SLIT3: variants seen among roughly 807,000 people sequenced by gnomAD.
The protein encoded by SLIT3 is slit guidance ligand 3.
Under a neutral mutation model 184.0 loss-of-function variants are expected in SLIT3, and 68 were observed. The observed-to-expected ratio is 0.37, with a 90% CI of 0.30 to 0.45. The LOEUF (loss-of-function observed/expected upper bound fraction) is 0.45. Ranked by LOEUF, SLIT3 falls within the 20% of genes least tolerant of loss-of-function variation. The pLI, the probability that SLIT3 is intolerant of heterozygous loss-of-function variation, is 1.00. For synonymous variants in SLIT3, 831 were observed against 828.6 expected (o/e 1.00, Z -0.05); for missense variants, 1,707 against 2,026.0 (o/e 0.84, Z 3.02).
chr5:168,785,779 G>T, intron 12 of SLIT3, 128 bp downstream of exon 12: 1 of 692,102 alleles, frequency 1.4e-6, no homozygotes. Context: ...AGCGTGGACA[G>T]CTCAAACATT....
intron 3 of SLIT3, among the ~76,000 whole-genome samples, chr5:169,203,427 T>C (rs1169436400): frequency 6.6e-6 from 1 of 151,966 alleles, no homozygotes; most frequent in Non-Finnish European, 1.5e-5. Flanking sequence ...TAGTCATTTA[T>C]AACTTCAGAG....
At chr5:168,976,963 G>A (rs912751630) in intron 4 of SLIT3, among the ~76,000 whole-genome samples, 1 of 152,024 alleles carries the variant, frequency 6.6e-6, no homozygotes, top group Non-Finnish European at 1.5e-5. Flanking sequence ...ATTACACAGA[G>A]CTGGGGTGGG....
In SLIT3 at chr5:169,300,670, C is replaced by T. The variant is rs1313237869; in HGVS notation, c.40G>A (p.Ala14Thr). 7 of 1,410,248 alleles carry T rather than the reference C, an allele frequency of 5.0e-6. No individual in the cohort carries two copies. The East Asian group carries it at 1.2e-4, about 24-fold the overall frequency. 87.4% of individuals were successfully genotyped at this position (1,410,248 alleles called of 1,614,324 possible). A position where few individuals can be genotyped will look rare whatever the true frequency, so the allele number is the denominator to read the frequency against. ...GWAGVGAAVRARLALALALAS... is the reference protein window; with the variant it reads ...GWAGVGAAVRTRLALALALAS... ...AGCGCCAAGGCCAGCGCCAGGCGGG[C>T]GCGCACGGCGGCGCCGACCCCTGCC... is the stretch of plus-strand genomic sequence containing the variant. Residue 14 changes from alanine to threonine, a missense_variant, in exon 1 of 36, where the codon GCC (alanine) becomes ACC (threonine). Around this residue, in one of 3 missense-constraint regions of SLIT3, gnomAD observed 1,307 missense variants for 1,511.6 expected, o/e 0.86. Coordinates refer to ENST00000519560, the MANE Select transcript of SLIT3 (RefSeq NM_003062.4). The surrounding 1 kb of genome is among the most constrained non-coding windows in gnomAD (Gnocchi z 4.1).
chr5:169,050,042 T>C (rs1435653418), intron 4 of SLIT3, among the ~76,000 whole-genome samples: 1 of 152,160 alleles, frequency 6.6e-6, no homozygotes, highest in Non-Finnish European at 1.5e-5. Context: ...GTAAATGTGA[T>C]GGCTCCAGAA....
intron 4 of SLIT3, among the ~76,000 whole-genome samples, chr5:169,120,889 T>C (rs1248939428): frequency 2.6e-5 from 4 of 152,292 alleles, no homozygotes; most frequent in Admixed American, 1.3e-4. Flanking sequence ...CTAATCCTAG[T>C]GTTTTGTTCA....
rs138176011 is a variant in SLIT3 at position 168,773,075 on chromosome 5, C to T, written c.1296-131G>A. The stretch of plus-strand genomic sequence containing the variant: ...CCTCCTGCCTCATCGCCCCAGGAAG[C>T]CTTAGGGGGTGCTACTTTCAGACAG... On this transcript the variant is annotated intron_variant, in intron 13 of 35. Coordinates refer to ENST00000519560, the MANE Select transcript of SLIT3 (RefSeq NM_003062.4). 2,239 of 913,916 alleles carry T rather than the reference C, an allele frequency of 2.4e-3. 30 individuals are homozygous for T. In the African/African-American group the frequency reaches 0.035, roughly 14 times the overall value. The allele number at this position is 913,916 out of a possible 1,614,324, so 56.6% of individuals were successfully genotyped here.
At position 169,178,586 on chromosome 5, in the gene SLIT3, C is replaced by T. The variant is rs560280944; in HGVS notation, c.413+14893G>A. Among the ~76,000 whole-genome samples, 31 of 152,300 alleles carry T rather than the reference C, an allele frequency of 2.0e-4. 1 individual carries two copies. The South Asian group carries it at 5.0e-3, about 24-fold the overall frequency. On this transcript the variant is annotated intron_variant, in intron 4 of 35. Transcript: ENST00000519560. ...ACCTGAGATATACCGCACCCCACCACACACACACGATTCTTATTTTCTTTC... is the reference window on the plus strand; with the variant it reads ...ACCTGAGATATACCGCACCCCACCATACACACACGATTCTTATTTTCTTTC...
intron 4 of SLIT3, among the ~76,000 whole-genome samples, chr5:168,970,404 A>G (rs1399920506): frequency 6.6e-6 from 1 of 151,310 alleles, no homozygotes; most frequent in African/African-American, 2.4e-5. Flanking sequence ...CTGGGGCAAG[A>G]TAATTGCTTG....
At chr5:168,793,232 TC>T (rs956256333) in intron 10 of SLIT3, among the ~76,000 whole-genome samples, 1 of 151,984 alleles carries the variant, frequency 6.6e-6, no homozygotes, top group African/African-American at 2.4e-5. Flanking sequence ...TTTTTTTCTC[TC>T]CCCCCTCCCC....
At chr5:168,774,134 T>C in intron 13 of SLIT3, 101 bp downstream of exon 13, 1 of 1,184,696 alleles carries the variant, frequency 8.4e-7, no homozygotes, top group Non-Finnish European at 1.2e-6. Context: ...GAACTCCTCC[T>C]GGATGTGCTC....
At chr5:168,798,445 T>C (rs1414675188) in intron 9 of SLIT3, among the ~76,000 whole-genome samples, 1 of 152,100 alleles carries the variant, frequency 6.6e-6, no homozygotes, top group Non-Finnish European at 1.5e-5. Context: ...GCCAGGCTTA[T>C]CTCAAACTCC....
At chr5:169,002,332 AAAAAAAAAAAAAAAAAAAAAAAAG>A (rs1755736433) in intron 4 of SLIT3, among the ~76,000 whole-genome samples, 4 of 130,570 alleles carry the variant, frequency 3.1e-5, no homozygotes, top group Non-Finnish European at 6.8e-5. Context: ...CAAAAAAAAA[AAAAAAAAAAAAAAAAAAAAAAAAG>A]AAAAAAAGAA....
chr5:169,050,509 A>G (rs1757778950), intron 4 of SLIT3, among the ~76,000 whole-genome samples: 2 of 152,180 alleles, frequency 1.3e-5, no homozygotes, highest in East Asian at 1.9e-4. Context: ...CATTCATCAA[A>G]TATCTATTCA....
At chr5:168,924,367 C>A (rs1170640055) in intron 4 of SLIT3, among the ~76,000 whole-genome samples, 1 of 152,164 alleles carries the variant, frequency 6.6e-6, no homozygotes, top group Non-Finnish European at 1.5e-5. Flanking sequence ...GGACCCAGTA[C>A]CCTCCATCTC....
intron 4 of SLIT3, among the ~76,000 whole-genome samples, chr5:169,050,319 A>G (rs1044098069): frequency 2.6e-5 from 4 of 152,182 alleles, no homozygotes; most frequent in Non-Finnish European, 5.9e-5. Context: ...TTATTTGCCC[A>G]TTATCAGTTA....
chr5:168,968,479 G>A (rs1763291272), intron 4 of SLIT3, among the ~76,000 whole-genome samples: 1 of 152,174 alleles, frequency 6.6e-6, no homozygotes, highest in South Asian at 2.1e-4. Flanking sequence ...AACTTTGGAA[G>A]GTGTCTTTGT....
intron 4 of SLIT3, among the ~76,000 whole-genome samples, chr5:169,063,992 T>G (rs1350753165): frequency 6.6e-6 from 1 of 152,210 alleles, no homozygotes; most frequent in Non-Finnish European, 1.5e-5. Context: ...AAGCAGTCCT[T>G]TAATCTATAC....
chr5:169,244,237 A>G (rs1765504112), intron 3 of SLIT3, among the ~76,000 whole-genome samples: 1 of 152,234 alleles, frequency 6.6e-6, no homozygotes, highest in Non-Finnish European at 1.5e-5. Context: ...GGCTGCGCCC[A>G]CTCACCAGTC....
At chr5:168,818,245 G>T (rs1212876483) in intron 7 of SLIT3, among the ~76,000 whole-genome samples, 1 of 152,144 alleles carries the variant, frequency 6.6e-6, no homozygotes, top group Non-Finnish European at 1.5e-5. Flanking sequence ...CCAGTTCTAG[G>T]ACGCTTTGGC....
Sources: gnomAD v4.1 joint callset for allele counts (sites outside exome capture counted in the v4.1 genomes callset) on GRCh38, gnomAD v4.1.1 for gene constraint, gnomAD v4.1.1 regional missense constraint, Gnocchi (gnomAD v3.1) non-coding constraint, MANE v1.5 for transcripts, NCBI Gene and HGNC (gene_info 2026-07-23, HGNC 2026-07-21) for gene names.